FBN2: variants seen among roughly 807,000 people sequenced by gnomAD.
FBN2 encodes the protein fibrillin 2.
FBN2 carries 105 observed loss-of-function variants against 355.6 expected under a neutral mutation model. That is an observed-to-expected ratio of 0.30 (90% CI 0.25 to 0.35). The LOEUF (loss-of-function observed/expected upper bound fraction) is 0.35, where lower values mean the gene tolerates loss of function less well. Among genes scored for constraint, FBN2 ranks in the 10% least tolerant of loss-of-function variants. FBN2 has a pLI of 1.00. For synonymous variants in FBN2, 1,350 were observed against 1,301.2 expected (o/e 1.04, Z -0.81); for missense variants, 3,280 against 3,758.7 (o/e 0.87, Z 3.33).
At chr5:128,368,435 CACATATAT>C (rs1182116203) in intron 16 of FBN2, among the ~76,000 whole-genome samples, 1 of 136,972 alleles carries the variant, frequency 7.3e-6, no homozygotes, top group Non-Finnish European at 1.6e-5. Flanking sequence ...TATATATATA[CACATATAT>C]ACATATATAT....
At chr5:128,473,908 C>A (rs1488950094) in intron 5 of FBN2, among the ~76,000 whole-genome samples, 1 of 152,168 alleles carries the variant, frequency 6.6e-6, no homozygotes, top group Non-Finnish European at 1.5e-5. Context: ...CAACCTAATA[C>A]CATCATGTAA....
rs572579795 is a variant in FBN2 at position 128,349,334 on chromosome 5, G to T, written c.2989+13C>A. The stretch of plus-strand genomic sequence containing the variant: ...TGTTTTATACATAGAATACATGAGG[G>T]TGTGAATCTTACCCAAACATACACG... On this transcript the variant is annotated intron_variant, in intron 23 of 64. Coordinates refer to ENST00000262464, the MANE Select transcript of FBN2 (RefSeq NM_001999.4). 6.8e-6 allele frequency: 11 copies of T among 1,613,908 alleles called. No individual in the cohort carries two copies. In the African/African-American group the frequency reaches 8.0e-5, roughly 12 times the overall value.
chr5:128,438,718 A>G (rs1057483360), intron 7 of FBN2, among the ~76,000 whole-genome samples: 5 of 152,184 alleles, frequency 3.3e-5, no homozygotes, highest in African/African-American at 1.2e-4. Context: ...TTCTGGACGG[A>G]AATTCACTGA....
chr5:128,523,599 A>G (rs1756491596), intron 4 of FBN2, among the ~76,000 whole-genome samples: 2 of 152,070 alleles, frequency 1.3e-5, no homozygotes, highest in Admixed American at 1.3e-4. Flanking sequence ...CTTTGCACTT[A>G]TAAGTCTGAC....
At chr5:128,531,272 G>A (rs1403534149) in intron 2 of FBN2, among the ~76,000 whole-genome samples, 1 of 152,102 alleles carries the variant, frequency 6.6e-6, no homozygotes, top group African/African-American at 2.4e-5. Context: ...ACCTGGATGT[G>A]ACTGGAGACT....
At chr5:128,415,757 A>G (rs920618412) in intron 7 of FBN2, among the ~76,000 whole-genome samples, 20 of 152,080 alleles carry the variant, frequency 1.3e-4, no homozygotes, top group Non-Finnish European at 2.4e-4. Context: ...TTTATTTGTA[A>G]TTTTTTGAGA....
Position 128,318,217 on chromosome 5 carries a change from G to T in FBN2, c.4649C>A (p.Thr1550Lys). ...GCAGTTACACTCATAGCGACCAGGC[G>T]TGTTGACACATAGGCCATTGACACA... Reference protein sequence around the residue: ...INCVNGLCVNTPGRYECNCPP... With the variant: ...INCVNGLCVNKPGRYECNCPP... Residue 1550 changes from threonine (T) to lysine (K), a missense_variant, in exon 36 of 65, where the codon ACG (threonine) becomes AAG (lysine). Thr to Lys is a moderately conservative substitution (Grantham distance 78, BLOSUM62 -1). Transcript: ENST00000262464. The T allele has an allele frequency of 6.2e-7, 1 of 1,613,834 alleles. No individual in the cohort carries two copies. Among genetic ancestry groups the T allele is most frequent in the Non-Finnish European group, 8.5e-7 (1 of 1,179,780 alleles).
chr5:128,378,791 G>A lies in FBN2; in HGVS notation c.1703C>T (p.Pro568Leu). The change falls in exon 12 of 65, where the codon CCT (proline) becomes CTT (leucine). Residue 568 changes from proline to leucine, a missense_variant. By Grantham distance (98) the Pro-to-Leu change is moderately conservative. Around this residue, in one of 6 missense-constraint regions of FBN2, gnomAD observed 2,284 missense variants for 2,749.5 expected, o/e 0.83. Transcript: ENST00000262464. The stretch of plus-strand genomic sequence containing the variant: ...CTTACCAATGCATGCTTGCTTGGTA[G>A]GAGTCCTCTGGAATCCAGCATGACA... ...CKCHAGFQRT[P>L]TKQACIDIDE... The A allele has an allele frequency of 6.2e-7, 1 of 1,613,026 alleles. No homozygotes were observed. The highest frequency in any genetic ancestry group is 2.2e-5 in the East Asian group (1 of 44,834).
chr5:128,320,084 G>A (rs1015083789), intron 34 of FBN2, among the ~76,000 whole-genome samples: 8 of 152,102 alleles, frequency 5.3e-5, no homozygotes, highest in Admixed American at 4.6e-4. Flanking sequence ...ATGTGCAAAG[G>A]TGTCTTTTAT....
rs147557162 is a variant in FBN2 at position 128,432,620 on chromosome 5, G to A, written c.952+13861C>T. ...CCCTGATCTAGAAGAACTGCATTTA[G>A]TGTTCGGATCTAGAAAGACTGCATT... On this transcript the variant is annotated intron_variant, in intron 7 of 64. Transcript: ENST00000262464. Among the ~76,000 whole-genome samples the A allele has an allele frequency of 1.7e-3, 253 of 152,270 alleles. 2 individuals carry two copies. Among genetic ancestry groups the A allele is most frequent in the African/African-American group, 5.8e-3 (241 of 41,540 alleles).
In FBN2 at chr5:128,291,636, T is replaced by C; in HGVS notation, c.6185A>G (p.Glu2062Gly). 1 of 1,613,592 alleles carries C rather than the reference T, an allele frequency of 6.2e-7. No individual in the cohort carries two copies. The highest frequency in any genetic ancestry group is 2.2e-5 in the East Asian group (1 of 44,858). The part of the protein sequence containing the change: ...ENCIDINECD[E>G]DPNICLFGSC... ...ACCAAAAAGACAAATGTTGGGATCT[T>C]CATCACATTCATTTATATCTGCAGA... Residue 2062 changes from glutamate (E) to glycine (G), a missense_variant, in exon 49 of 65, where the codon GAA (glutamate) becomes GGA (glycine). Glu to Gly is a moderately conservative substitution (Grantham distance 98). This residue lies in a region of FBN2 where 2,284 missense variants were observed against 2,749.5 expected (regional missense o/e 0.83). Coordinates refer to ENST00000262464, the MANE Select transcript of FBN2 (RefSeq NM_001999.4).
intron 5 of FBN2, among the ~76,000 whole-genome samples, chr5:128,510,536 C>A (rs1482016557): frequency 2.0e-5 from 3 of 152,158 alleles, no homozygotes; most frequent in Non-Finnish European, 4.4e-5. Flanking sequence ...GTGTTTTATT[C>A]TTTTCAGGCA....
At chr5:128,430,710 G>C (rs1753595945) in intron 7 of FBN2, among the ~76,000 whole-genome samples, 1 of 152,004 alleles carries the variant, frequency 6.6e-6, no homozygotes, top group Admixed American at 6.6e-5. Context: ...CAGGTGTGGT[G>C]GCACAGGCCT....
At chr5:128,315,789 T>A (rs2126851214) in intron 36 of FBN2, among the ~76,000 whole-genome samples, 1 of 152,292 alleles carries the variant, frequency 6.6e-6, no homozygotes, top group South Asian at 2.1e-4. Context: ...ATATTGCGGG[T>A]TGAAGTTCTT....
In FBN2 at chr5:128,344,506, G is replaced by T. The variant is rs1345516642; in HGVS notation, c.3222C>A (p.Ile1074=). The change falls in exon 25 of 65, where the codon ATC becomes ATA. Residue 1074 remains isoleucine, a synonymous_variant. Coordinates refer to ENST00000262464, the MANE Select transcript of FBN2 (RefSeq NM_001999.4). ...TCCCAGGAAATGCTTTGCATTCATTGATGTCTAAAAGCAGAATGAAGCCAG... is the reference window on the plus strand; with the variant it reads ...TCCCAGGAAATGCTTTGCATTCATTTATGTCTAAAAGCAGAATGAAGCCAG... ...VLTGRPFYKD[I]NECKAFPGMC... 3.1e-6 allele frequency: 5 copies of T among 1,613,558 alleles called. No homozygotes were observed. The East Asian group carries it at 8.9e-5, about 29-fold the overall frequency.
At chr5:128,506,060 A>C (rs1480258944) in intron 5 of FBN2, among the ~76,000 whole-genome samples, 1 of 152,210 alleles carries the variant, frequency 6.6e-6, no homozygotes, top group East Asian at 1.9e-4. Flanking sequence ...AGTTTTCAAA[A>C]ATGGTTGTAC....
chr5:128,426,318 T>A (rs937250625), intron 7 of FBN2, among the ~76,000 whole-genome samples: 2 of 152,176 alleles, frequency 1.3e-5, no homozygotes, highest in African/African-American at 4.8e-5. Flanking sequence ...ATATTTGAAA[T>A]TCCCTTTTCC....
At chr5:128,262,049 A>G (rs1764989488) in intron 63 of FBN2, 142 bp from the exon 64 acceptor site, 1 of 736,236 alleles carries the variant, frequency 1.4e-6, no homozygotes, top group Non-Finnish European at 2.4e-6. Flanking sequence ...TATTCTTTGC[A>G]ACTCTTTTAT....
In FBN2 at chr5:128,345,502, G is replaced by A; in HGVS notation, c.3072C>T (p.Ala1024=). ...HPVPGKFRMD[A]CCCAVGAAWG... The stretch of plus-strand genomic sequence containing the variant: ...AAGCCGCCCCGACAGCACAGCAGCA[G>A]GCATCCATGCGGAACTTTCCAGGAA... Residue 1024 remains alanine (A), a synonymous_variant, in exon 24 of 65, where the codon GCC becomes GCT. Coordinates refer to ENST00000262464, the MANE Select transcript of FBN2 (RefSeq NM_001999.4). The A allele has an allele frequency of 6.2e-7, 1 of 1,614,160 alleles. No individual in the cohort carries two copies. Among genetic ancestry groups the A allele is most frequent in the Non-Finnish European group, 8.5e-7 (1 of 1,180,034 alleles).
Sources: gnomAD v4.1 joint callset for allele counts (sites outside exome capture counted in the v4.1 genomes callset) on GRCh38, gnomAD v4.1.1 for gene constraint, gnomAD v4.1.1 regional missense constraint, MANE v1.5 for transcripts, NCBI Gene and HGNC (gene_info 2026-07-23, HGNC 2026-07-21) for gene names.